CLCNKB: variants seen among roughly 807,000 people sequenced by gnomAD.
The protein encoded by CLCNKB is chloride channel protein ClC-Kb.
In CLCNKB, 74 loss-of-function variants were observed where a neutral mutation model predicts 83.8. The ratio of observed to expected loss-of-function variants is 0.88; its 90% CI spans 0.73 to 1.07. The LOEUF is 1.07. CLCNKB is among the 50% of genes least tolerant of loss of function. The pLI, the probability that CLCNKB is intolerant of heterozygous loss-of-function variation, is 0.00. For missense variants in CLCNKB, 798 were observed against 893.6 expected, an observed-to-expected ratio of 0.89 and a Z score of 1.36; for synonymous variants, 358 against 356.6, an observed-to-expected ratio of 1.00 and a Z score of -0.04.
chr1:16,049,432 G>C (rs547152726), intron 8 of CLCNKB, among the ~76,000 whole-genome samples, 186 bp from the exon 9 acceptor site: 4 of 152,162 alleles, frequency 2.6e-5, no homozygotes, highest in Non-Finnish European at 5.9e-5. Context: ...AAGGGCAGGG[G>C]CCCTGAGGGT....
intron 3 of CLCNKB, 104 bp downstream of exon 3, chr1:16,045,790 C>A: frequency 1.2e-6 from 1 of 862,508 alleles, no homozygotes; most frequent in Non-Finnish European, 1.8e-6. Context: ...GGGGGGGGTG[C>A]TCTGGGTGGG....
At chr1:16,047,250 C>G (rs1322171127) in intron 4 of CLCNKB, among the ~76,000 whole-genome samples, 2 of 152,038 alleles carry the variant, frequency 1.3e-5, no homozygotes, top group East Asian at 3.9e-4. Context: ...TGAGACCAGC[C>G]TGGGCAACAC....
chr1:16,045,792 C>A, intron 3 of CLCNKB, 106 bp downstream of exon 3: 1 of 527,732 alleles, frequency 1.9e-6, no homozygotes, highest in Non-Finnish European at 3.6e-6. Context: ...GGGGGGTGCT[C>A]TGGGTGGGGA....
chr1:16,056,185 T>G lies in CLCNKB; in HGVS notation c.1930-237T>G, dbSNP rs555206136. On this transcript the variant is annotated intron_variant, in intron 18 of 19. Transcript: ENST00000375679. The stretch of plus-strand genomic sequence containing the variant: ...GGGACCTGGAGATGGCCCCGCCCCC[T>G]CTGTGCTGCTGGAGGGTGCTGGATA... Among the ~76,000 whole-genome samples, 21 of 152,162 alleles carry G rather than the reference T, an allele frequency of 1.4e-4. No homozygotes were observed. In the East Asian group the frequency reaches 4.1e-3, roughly 29 times the overall value.
At chr1:16,049,542 TG>T in intron 8 of CLCNKB, 75 bp from the exon 9 acceptor site, 1 of 1,294,376 alleles carries the variant, frequency 7.7e-7, no homozygotes, top group Non-Finnish European at 1.1e-6. Context: ...CCCTCCACCC[TG>T]GGCTGTTAGT....
chr1:16,049,378 C>T lies in CLCNKB; in HGVS notation c.781+133C>T, dbSNP rs35335042. On this transcript the variant is annotated intron_variant, in intron 8 of 19. Coordinates refer to ENST00000375679, the MANE Select transcript of CLCNKB (RefSeq NM_000085.5). ...CTCTTTTTCCTCTTCCTTGTTCCCA[C>T]CTCCTTCTGGGAGGATGGAGGGGGC... 5.5e-3 allele frequency: 8,389 copies of T among 1,527,896 alleles called. 443 individuals are homozygous for T. The African/African-American group carries it at 0.1, about 19-fold the overall frequency. 94.6% of individuals were successfully genotyped at this position (1,527,896 alleles called of 1,614,324 possible).
chr1:16,047,842 TAG>T, intron 4 of CLCNKB, 61 bp from the exon 5 acceptor site: 2 of 1,543,012 alleles, frequency 1.3e-6, no homozygotes, highest in Non-Finnish European at 1.8e-6. Flanking sequence ...ATCACACAGG[TAG>T]AGTGTTGAGA....
chr1:16,052,157 G>A (rs748139329), intron 14 of CLCNKB, 41 bp from the exon 15 acceptor site: 23 of 1,610,718 alleles, frequency 1.4e-5, no homozygotes, highest in South Asian at 2.2e-5. Flanking sequence ...CATGAGGCTG[G>A]CCCCTGGCCT....
At chr1:16,053,460 C>T (rs933225048) in intron 15 of CLCNKB, among the ~76,000 whole-genome samples, 179 bp from the exon 16 acceptor site, 2 of 152,130 alleles carry the variant, frequency 1.3e-5, no homozygotes, top group Non-Finnish European at 2.9e-5. Flanking sequence ...GCGATGTGGT[C>T]CCCAGGTTTC....
intron 16 of CLCNKB, among the ~76,000 whole-genome samples, chr1:16,054,556 G>C (rs1473852034): frequency 2.0e-5 from 3 of 152,192 alleles, no homozygotes; most frequent in Non-Finnish European, 4.4e-5. Flanking sequence ...GGGATCAAGA[G>C]AGTATAGGAT....
chr1:16,045,801 G>GC, intron 3 of CLCNKB, 115 bp downstream of exon 3: 1 of 893,136 alleles, frequency 1.1e-6, no homozygotes, highest in Non-Finnish European at 1.7e-6. Context: ...TCTGGGTGGG[G>GC]ATCTGGTCCT....
chr1:16,050,201 C>T (rs1223848126), intron 10 of CLCNKB, among the ~76,000 whole-genome samples: 2 of 151,006 alleles, frequency 1.3e-5, no homozygotes, highest in East Asian at 3.9e-4. Flanking sequence ...TGGTCCCTCT[C>T]TCCCTTTAAA....
intron 16 of CLCNKB, among the ~76,000 whole-genome samples, chr1:16,054,283 G>A (rs918805678): frequency 2.1e-4 from 32 of 152,288 alleles, no homozygotes; most frequent in African/African-American, 7.7e-4. Context: ...GGGTTGGGGG[G>A]TAACCCTGCT....
At position 16,051,057 on chromosome 1, in the gene CLCNKB, C is replaced by T. The variant is rs2124100194; in HGVS notation, c.1227+9C>T. On this transcript the variant is annotated intron_variant, in intron 12 of 19. Coordinates refer to ENST00000375679, the MANE Select transcript of CLCNKB (RefSeq NM_000085.5). ...TCTTCCTGGTTATGAAGGTGGGCCCCCTGGTCCCCAGGTGTGCACAGAGCT... is the reference window on the plus strand; with the variant it reads ...TCTTCCTGGTTATGAAGGTGGGCCCTCTGGTCCCCAGGTGTGCACAGAGCT... 6.2e-7 allele frequency: 1 copy of T among 1,613,872 alleles called. No homozygotes were observed. Among genetic ancestry groups the T allele is most frequent in the Non-Finnish European group, 8.5e-7 (1 of 1,179,986 alleles).
chr1:16,050,558 C>T lies in CLCNKB; in HGVS notation c.1011C>T (p.Ser337=). Residue 337 remains serine (S), a synonymous_variant, in exon 11 of 20, where the codon TCC becomes TCT. Coordinates refer to ENST00000375679, the MANE Select transcript of CLCNKB (RefSeq NM_000085.5). ...YSALATLVLA[S]ITYPPSAGRF... ...CTCTGGCCACCTTGGTTCTCGCCTC[C>T]ATCACCTACCCACCCAGCGCCGGCC... 4.3e-6 allele frequency: 7 copies of T among 1,614,120 alleles called. 1 individual carries two copies. The highest frequency in any genetic ancestry group is 5.9e-6 in the Non-Finnish European group (7 of 1,180,002).
intron 14 of CLCNKB, 46 bp from the exon 15 acceptor site, chr1:16,052,152 G>A (rs2023313640): frequency 6.2e-7 from 1 of 1,610,098 alleles, no homozygotes; most frequent in Non-Finnish European, 8.5e-7. Flanking sequence ...CCTAACATGA[G>A]GCTGGCCCCT....
intron 18 of CLCNKB, among the ~76,000 whole-genome samples, 179 bp from the exon 19 acceptor site, chr1:16,056,243 C>T (rs1247437059): frequency 1.3e-4 from 20 of 152,096 alleles, no homozygotes; most frequent in Admixed American, 1.3e-3. Flanking sequence ...CCCGCCCAGA[C>T]CCTTGCATGG....
intron 16 of CLCNKB, among the ~76,000 whole-genome samples, chr1:16,054,835 C>T (rs1250367258): frequency 6.6e-6 from 1 of 152,144 alleles, no homozygotes; most frequent in African/African-American, 2.4e-5. Flanking sequence ...CAAGAAATAG[C>T]CTTCAGTGTT....
chr1:16,055,801 G>T (rs752782026), intron 18 of CLCNKB, 43 bp downstream of exon 18: 7 of 1,578,266 alleles, frequency 4.4e-6, no homozygotes, highest in Non-Finnish European at 6.1e-6. Context: ...AGGCCTCTGG[G>T]TGGGGGAAGA....
Sources: gnomAD v4.1 joint callset for allele counts (sites outside exome capture counted in the v4.1 genomes callset) on GRCh38, gnomAD v4.1.1 for gene constraint, MANE v1.5 for transcripts, NCBI Gene and HGNC (gene_info 2026-07-23, HGNC 2026-07-21) for gene names.